GALNT18: variants seen among roughly 807,000 people sequenced by gnomAD.
GALNT18 encodes polypeptide N-acetylgalactosaminyltransferase 18, also known as GalNAc-transferase 18.
In GALNT18, 44 loss-of-function variants were observed where a neutral mutation model predicts 69.5. That is an observed-to-expected ratio of 0.63 (90% CI 0.50 to 0.81). The LOEUF (loss-of-function observed/expected upper bound fraction) is 0.81. Among genes scored for constraint, GALNT18 ranks in the 40% least tolerant of loss-of-function variants. The pLI is 0.00. For missense variants in GALNT18, 715 were observed against 810.0 expected, an observed-to-expected ratio of 0.88 and a Z score of 1.42; for synonymous variants, 364 against 318.2, an observed-to-expected ratio of 1.14 and a Z score of -1.53.
intron 10 of GALNT18, among the ~76,000 whole-genome samples, chr11:11,283,322 T>C (rs952197684): frequency 2.6e-5 from 4 of 152,224 alleles, no homozygotes; most frequent in Middle Eastern, 3.4e-3. Context: ...AGTATTTGTA[T>C]TTTTAGGAGA....
intron 1 of GALNT18, among the ~76,000 whole-genome samples, chr11:11,594,362 A>G (rs1024111176): frequency 6.6e-6 from 1 of 152,352 alleles, no homozygotes; most frequent in Middle Eastern, 3.4e-3. Flanking sequence ...GTACAATTCA[A>G]TGGTTTTTAG....
chr11:11,589,021 T>C (rs79878873), intron 1 of GALNT18, among the ~76,000 whole-genome samples: 3,688 of 152,292 alleles, frequency 0.024, 156 homozygotes, highest in African/African-American at 0.085. Flanking sequence ...AAAGATTCCA[T>C]ACAAGGAATC....
rs1236746841 is a variant in GALNT18 at position 11,595,043 on chromosome 11, T to C, written c.235+26316A>G. Reference sequence around the variant, plus strand: ...ATCTCCAAGAATGAATATATACATATATATTCATTCCTAGAATTGAAATTA... The same window carrying C: ...ATCTCCAAGAATGAATATATACATACATATTCATTCCTAGAATTGAAATTA... On this transcript the variant is annotated intron_variant, in intron 1 of 10. Coordinates refer to ENST00000227756, the MANE Select transcript of GALNT18 (RefSeq NM_198516.3). The surrounding 1 kb of genome is among the most constrained non-coding windows in gnomAD (Gnocchi z 5.2). 1.3e-5 allele frequency among the ~76,000 whole-genome samples: 2 copies of C among 151,492 alleles called. No homozygotes were observed. Among genetic ancestry groups the C allele is most frequent in the Non-Finnish European group, 2.9e-5 (2 of 67,898 alleles).
intron 1 of GALNT18, among the ~76,000 whole-genome samples, chr11:11,487,514 T>G (rs1856669752): frequency 6.6e-6 from 1 of 152,218 alleles, no homozygotes. Flanking sequence ...AGTGAATATG[T>G]AAGTTTTGAG....
At chr11:11,352,333 T>C in intron 6 of GALNT18, 2 of 1,614,146 alleles carry the variant, frequency 1.2e-6, no homozygotes, top group Admixed American at 1.7e-5. Flanking sequence ...TCTAATTCAA[T>C]GTTGTATTTG....
intron 1 of GALNT18, among the ~76,000 whole-genome samples, chr11:11,568,492 A>G (rs1858706257): frequency 6.6e-6 from 1 of 152,148 alleles, no homozygotes; most frequent in Non-Finnish European, 1.5e-5. Context: ...TCATCCTGCC[A>G]GTGACTCTGG....
chr11:11,400,003 G>A (rs1481530657), intron 3 of GALNT18, among the ~76,000 whole-genome samples: 2 of 152,208 alleles, frequency 1.3e-5, no homozygotes, highest in African/African-American at 4.8e-5. Context: ...TTAATTGAGT[G>A]TGGGCTGGAT....
At chr11:11,433,326 CCA>C (rs1319888056) in intron 2 of GALNT18, among the ~76,000 whole-genome samples, 2 of 152,212 alleles carry the variant, frequency 1.3e-5, no homozygotes, top group African/African-American at 4.8e-5. Context: ...AATCCAGTTT[CCA>C]GAACAGGGTT....
At chr11:11,359,646 T>G (rs1850601602) in intron 6 of GALNT18, among the ~76,000 whole-genome samples, 1 of 152,206 alleles carries the variant, frequency 6.6e-6, no homozygotes, top group African/African-American at 2.4e-5. Flanking sequence ...ATCATCTGAT[T>G]TAGGCCCCAG....
intron 1 of GALNT18, among the ~76,000 whole-genome samples, chr11:11,548,676 C>T (rs1394908442): frequency 6.6e-6 from 1 of 152,210 alleles, no homozygotes; most frequent in African/African-American, 2.4e-5. Flanking sequence ...ATGCAGTAAG[C>T]CTCAGGCACA....
At chr11:11,388,258 C>T (rs1164997091) in intron 3 of GALNT18, among the ~76,000 whole-genome samples, 1 of 152,168 alleles carries the variant, frequency 6.6e-6, no homozygotes, top group African/African-American at 2.4e-5. Flanking sequence ...AATATGCACC[C>T]CATACTTAGC....
chr11:11,578,330 CAA>C (rs57579910), intron 1 of GALNT18, among the ~76,000 whole-genome samples: 1 of 120,604 alleles, frequency 8.3e-6, no homozygotes, highest in Non-Finnish European at 1.6e-5. Context: ...TAAAAAGAAC[CAA>C]AAAAAAAAAA....
chr11:11,394,370 A>G (rs558421559), intron 3 of GALNT18, among the ~76,000 whole-genome samples: 2 of 152,214 alleles, frequency 1.3e-5, no homozygotes, highest in African/African-American at 4.8e-5. Context: ...TACAAATTCA[A>G]TTTGGGAGAG....
chr11:11,329,481 G>A (rs1304999469), intron 8 of GALNT18, among the ~76,000 whole-genome samples: 1 of 152,250 alleles, frequency 6.6e-6, no homozygotes, highest in South Asian at 2.1e-4. Flanking sequence ...TCCCCATATC[G>A]CCCTTGGTCT....
intron 10 of GALNT18, among the ~76,000 whole-genome samples, chr11:11,290,216 T>C (rs989396439): frequency 2.0e-5 from 3 of 152,092 alleles, no homozygotes; most frequent in Non-Finnish European, 4.4e-5. Flanking sequence ...AGAGGAGACT[T>C]TGGGGGCTGA....
In GALNT18 at chr11:11,511,874, A is replaced by C. The variant is rs887809458; in HGVS notation, c.236-62938T>G. ...CTGATCTGGGACTTTCAGCCCCCAGAACTATGAAAAATCAATTTCTGTTGT... is the reference window on the plus strand; with the variant it reads ...CTGATCTGGGACTTTCAGCCCCCAGCACTATGAAAAATCAATTTCTGTTGT... On this transcript the variant is annotated intron_variant, in intron 1 of 10. Transcript: ENST00000227756. The surrounding 1 kb of genome is among the most constrained non-coding windows in gnomAD (Gnocchi z 4.9). Among the ~76,000 whole-genome samples the C allele has an allele frequency of 1.3e-5, 2 of 152,130 alleles. No homozygotes were observed. Among genetic ancestry groups the C allele is most frequent in the African/African-American group, 4.8e-5 (2 of 41,414 alleles).
chr11:11,496,531 A>T lies in GALNT18; in HGVS notation c.236-47595T>A, dbSNP rs1193393149. On this transcript the variant is annotated intron_variant, in intron 1 of 10. Coordinates refer to ENST00000227756, the MANE Select transcript of GALNT18 (RefSeq NM_198516.3). This position sits in a 1 kb window ranked among gnomAD's most constrained non-coding sequence, Gnocchi z 4.0. ...CTTAGGAAAAGATTTCCTCTTCATC[A>T]ATTCTACTTTTCTAAAGAACAAGCA... Among the ~76,000 whole-genome samples, 3 of 152,214 alleles carry T rather than the reference A, an allele frequency of 2.0e-5. No homozygotes were observed. The highest frequency in any genetic ancestry group is 4.8e-5 in the African/African-American group (2 of 41,444).
In GALNT18 at chr11:11,309,702, C is replaced by T. The variant is rs1435892274; in HGVS notation, c.1513-16509G>A. The stretch of plus-strand genomic sequence containing the variant: ...GGTACTTCAACACAACCTAGTATTA[C>T]TTCTTTGGGTACCTGCTCAGCAGCT... On this transcript the variant is annotated intron_variant, in intron 9 of 10. Coordinates refer to ENST00000227756, the MANE Select transcript of GALNT18 (RefSeq NM_198516.3). The surrounding 1 kb of genome is among the most constrained non-coding windows in gnomAD (Gnocchi z 4.6). 6.6e-6 allele frequency among the ~76,000 whole-genome samples: 1 copy of T among 152,142 alleles called. No individual in the cohort carries two copies. The highest frequency in any genetic ancestry group is 1.5e-5 in the Non-Finnish European group (1 of 68,018).
In GALNT18 at chr11:11,470,165, C is replaced by G. The variant is rs973178866; in HGVS notation, c.236-21229G>C. ...CTGCCTTGAGAAGTCTCACAGCCAGCCCCCATCCATGCTTGACCACAGCTG... is the reference window on the plus strand; with the variant it reads ...CTGCCTTGAGAAGTCTCACAGCCAGGCCCCATCCATGCTTGACCACAGCTG... On this transcript the variant is annotated intron_variant, in intron 1 of 10. Transcript: ENST00000227756. This position sits in a 1 kb window ranked among gnomAD's most constrained non-coding sequence, Gnocchi z 4.8. Among the ~76,000 whole-genome samples the G allele has an allele frequency of 3.9e-5, 6 of 152,206 alleles. No homozygotes were observed. The highest frequency in any genetic ancestry group is 7.2e-5 in the African/African-American group (3 of 41,448).
Sources: gnomAD v4.1 joint callset for allele counts (sites outside exome capture counted in the v4.1 genomes callset) on GRCh38, gnomAD v4.1.1 for gene constraint, Gnocchi (gnomAD v3.1) non-coding constraint, MANE v1.5 for transcripts, NCBI Gene and HGNC (gene_info 2026-07-23, HGNC 2026-07-21) for gene names.